Variants in KIFAP3 observed in about 807,000 individuals in gnomAD.
The protein encoded by KIFAP3 is kinesin-associated protein 3.
In KIFAP3, 68 loss-of-function variants were observed where a neutral mutation model predicts 106.5. That is an observed-to-expected ratio of 0.64 (90% CI 0.53 to 0.78). KIFAP3 has a LOEUF of 0.78. KIFAP3 is among the 30% of genes least tolerant of loss of function. KIFAP3 has a pLI of 0.00. For synonymous variants in KIFAP3, 320 were observed against 311.5 expected (o/e 1.03, Z -0.29); for missense variants, 780 against 941.8 (o/e 0.83, Z 2.25).
chr1:169,984,727 C>T (rs764492371), intron 11 of KIFAP3, 37 bp from the exon 12 acceptor site: 2 of 1,198,322 alleles, frequency 1.7e-6, no homozygotes, highest in African/African-American at 1.5e-5. Flanking sequence ...ACTCAAGAAA[C>T]AAAGACAAAA....
intron 8 of KIFAP3, among the ~76,000 whole-genome samples, chr1:170,030,834 G>A (rs71635641): frequency 1.4e-3 from 211 of 151,824 alleles, no homozygotes; most frequent in African/African-American, 4.9e-3. Flanking sequence ...AGATGCATGA[G>A]GAAATTTTGG....
chr1:170,072,080 C>G (rs796455090), intron 1 of KIFAP3, among the ~76,000 whole-genome samples: 16 of 152,246 alleles, frequency 1.1e-4, no homozygotes, highest in African/African-American at 2.9e-4. Context: ...GGCTTAATGA[C>G]TTTTACACAG....
intron 19 of KIFAP3, among the ~76,000 whole-genome samples, chr1:169,926,000 G>C (rs371413980): frequency 6.6e-6 from 1 of 152,116 alleles, no homozygotes; most frequent in Non-Finnish European, 1.5e-5. Flanking sequence ...AAGAATAAAT[G>C]CAGGCCAAAT....
intron 1 of KIFAP3, among the ~76,000 whole-genome samples, chr1:170,060,892 CA>C (rs1217239549): frequency 6.6e-6 from 1 of 152,076 alleles, no homozygotes; most frequent in Non-Finnish European, 1.5e-5. Flanking sequence ...ACAAATCTGA[CA>C]AAAACAAGCA....
intron 10 of KIFAP3, among the ~76,000 whole-genome samples, chr1:170,010,512 A>G (rs1231783219): frequency 6.6e-6 from 1 of 151,912 alleles, no homozygotes; most frequent in Non-Finnish European, 1.5e-5. Context: ...CTATAACACA[A>G]TTTCTCCTTT....
chr1:170,041,754 AT>A, intron 3 of KIFAP3: 1 of 1,534,250 alleles, frequency 6.5e-7, no homozygotes, highest in Non-Finnish European at 8.7e-7. Context: ...GCCAAGGGCA[AT>A]CGACATCCCT....
intron 19 of KIFAP3, among the ~76,000 whole-genome samples, chr1:169,930,837 T>C (rs1663423357): frequency 6.6e-6 from 1 of 152,192 alleles, no homozygotes; most frequent in African/African-American, 2.4e-5. Flanking sequence ...TTACATATTA[T>C]CTGCATAGGA....
intron 9 of KIFAP3, among the ~76,000 whole-genome samples, chr1:170,018,182 A>G (rs1453124801): frequency 6.6e-6 from 1 of 152,208 alleles, no homozygotes; most frequent in Non-Finnish European, 1.5e-5. Flanking sequence ...ATAAATATTT[A>G]CTGGAACAAA....
chr1:170,026,234 A>G (rs1026476939), intron 8 of KIFAP3, among the ~76,000 whole-genome samples: 1 of 152,164 alleles, frequency 6.6e-6, no homozygotes, highest in Non-Finnish European at 1.5e-5. Context: ...TCCCCCATCC[A>G]GAGCTATGAC....
intron 2 of KIFAP3, among the ~76,000 whole-genome samples, chr1:170,051,563 A>G (rs1670577280): frequency 6.6e-6 from 1 of 152,236 alleles, no homozygotes; most frequent in Admixed American, 6.5e-5. Flanking sequence ...GCCACATGGC[A>G]CTTATTCTAA....
chr1:169,959,284 T>A (rs1665192517), intron 18 of KIFAP3, among the ~76,000 whole-genome samples: 1 of 152,202 alleles, frequency 6.6e-6, no homozygotes, highest in African/African-American at 2.4e-5. Flanking sequence ...CAAGAAATGC[T>A]ACAGGGATTC....
chr1:170,003,290 T>G (rs1292713291), intron 10 of KIFAP3, among the ~76,000 whole-genome samples: 1 of 152,206 alleles, frequency 6.6e-6, no homozygotes, highest in Non-Finnish European at 1.5e-5. Flanking sequence ...GACCATACTT[T>G]GAGTATCACT....
At chr1:170,051,480 T>C (rs1355403455) in intron 2 of KIFAP3, among the ~76,000 whole-genome samples, 2 of 152,226 alleles carry the variant, frequency 1.3e-5, no homozygotes, top group Non-Finnish European at 2.9e-5. Flanking sequence ...AACTCAGCTC[T>C]GGATCAAGTG....
intron 9 of KIFAP3, among the ~76,000 whole-genome samples, chr1:170,018,901 T>A (rs1668664120): frequency 6.6e-6 from 1 of 152,084 alleles, no homozygotes; most frequent in Non-Finnish European, 1.5e-5. Context: ...CATTATAGAG[T>A]ATAATTCTAT....
intron 9 of KIFAP3, among the ~76,000 whole-genome samples, chr1:170,023,130 T>C (rs1347430080): frequency 6.6e-6 from 1 of 152,084 alleles, no homozygotes; most frequent in Admixed American, 6.5e-5. Context: ...ACATGTTTGA[T>C]TAATCTAAGA....
intron 9 of KIFAP3, among the ~76,000 whole-genome samples, chr1:170,018,256 A>C (rs1011646873): frequency 1.3e-5 from 2 of 152,202 alleles, no homozygotes; most frequent in Non-Finnish European, 2.9e-5. Flanking sequence ...GAGCAGAGTT[A>C]GTAGTTGCAA....
At chr1:169,975,542 A>G (rs1412706301) in intron 16 of KIFAP3, among the ~76,000 whole-genome samples, 1 of 152,174 alleles carries the variant, frequency 6.6e-6, no homozygotes, top group Non-Finnish European at 1.5e-5. Flanking sequence ...GTAACATGAC[A>G]GATTTAAATG....
At chr1:169,975,620 C>CT (rs1348736894) in intron 16 of KIFAP3, among the ~76,000 whole-genome samples, 1 of 151,490 alleles carries the variant, frequency 6.6e-6, no homozygotes, top group Admixed American at 6.6e-5. Flanking sequence ...TTTTTATTTT[C>CT]AGTTTTTTTT....
At chr1:170,061,809 T>C (rs1225918158) in intron 1 of KIFAP3, among the ~76,000 whole-genome samples, 1 of 152,156 alleles carries the variant, frequency 6.6e-6, no homozygotes. Context: ...GTGGCACATA[T>C]ACACCATGGA....
Sources: gnomAD v4.1 joint callset for allele counts (sites outside exome capture counted in the v4.1 genomes callset) on GRCh38, gnomAD v4.1.1 for gene constraint, MANE v1.5 for transcripts, NCBI Gene and HGNC (gene_info 2026-07-23, HGNC 2026-07-21) for gene names.